The following PRKN variants were observed in gnomAD, a reference collection of about 807,000 sequenced individuals.
PRKN encodes parkin RBR E3 ubiquitin protein ligase.
A neutral mutation model predicts 59.5 loss-of-function variants in PRKN; 56 were observed. That is an observed-to-expected ratio of 0.94 (90% CI 0.76 to 1.18). The LOEUF (loss-of-function observed/expected upper bound fraction) is 1.18, where lower values mean the gene tolerates loss of function less well. Among genes scored for constraint, PRKN ranks in the 50% most tolerant of loss-of-function variants. The probability of loss-of-function intolerance (pLI) is 0.00; values close to 1 mark genes in which losing one functional copy is unlikely to be tolerated. For synonymous variants in PRKN, 250 were observed against 222.1 expected (o/e 1.13, Z -1.12); for missense variants, 657 against 596.4 (o/e 1.10, Z -1.06).
At chr6:161,694,241 T>G (rs150967256) in intron 7 of PRKN, among the ~76,000 whole-genome samples, 7 of 151,998 alleles carry the variant, frequency 4.6e-5, no homozygotes, top group African/African-American at 1.4e-4. Context: ...GTAATAATAA[T>G]AAGAAAAAAA....
chr6:162,389,014 A>AAC (rs1351746126), intron 2 of PRKN, among the ~76,000 whole-genome samples: 2 of 151,106 alleles, frequency 1.3e-5, no homozygotes, highest in Non-Finnish European at 2.9e-5. Flanking sequence ...CCAGAAAAAA[A>AAC]AAAAAAAAAA....
At chr6:162,427,037 T>A (rs1234683020) in intron 2 of PRKN, among the ~76,000 whole-genome samples, 1 of 152,124 alleles carries the variant, frequency 6.6e-6, no homozygotes, top group Non-Finnish European at 1.5e-5. Context: ...ATGAGAAAGT[T>A]TGGCCAAAGT....
chr6:162,030,009 A>C (rs970786119), intron 5 of PRKN, among the ~76,000 whole-genome samples: 3 of 152,012 alleles, frequency 2.0e-5, no homozygotes, highest in African/African-American at 7.2e-5. Flanking sequence ...CAGCTAATTA[A>C]AACAAAAAAT....
chr6:162,433,082 C>T (rs1349994941), intron 2 of PRKN, among the ~76,000 whole-genome samples: 2 of 152,100 alleles, frequency 1.3e-5, no homozygotes, highest in Non-Finnish European at 2.9e-5. Flanking sequence ...TGTTTTAAAA[C>T]AGAATAAATC....
intron 1 of PRKN, among the ~76,000 whole-genome samples, chr6:162,689,168 G>C (rs1777677576): frequency 6.6e-6 from 1 of 152,158 alleles, no homozygotes. Flanking sequence ...ATTCCTACAA[G>C]GGCTCTGCAA....
intron 9 of PRKN, among the ~76,000 whole-genome samples, chr6:161,431,413 C>T (rs939014521): frequency 6.6e-6 from 1 of 151,416 alleles, no homozygotes; most frequent in Non-Finnish European, 1.5e-5. Context: ...AGATGTGGTA[C>T]ACATTATTTA....
intron 1 of PRKN, among the ~76,000 whole-genome samples, chr6:162,516,343 C>T (rs1193914756): frequency 6.6e-6 from 1 of 152,218 alleles, no homozygotes; most frequent in Admixed American, 6.5e-5. Flanking sequence ...CACATCTGCA[C>T]ACCTATCCAA....
chr6:162,031,405 A>T (rs1045867498), intron 5 of PRKN, among the ~76,000 whole-genome samples: 1 of 132,584 alleles, frequency 7.5e-6, no homozygotes, highest in Non-Finnish European at 1.5e-5. Context: ...CTCAACATCT[A>T]ATCCTTTTTT....
At chr6:161,788,701 C>T (rs577169694) in intron 6 of PRKN, among the ~76,000 whole-genome samples, 16 of 150,772 alleles carry the variant, frequency 1.1e-4, no homozygotes, top group South Asian at 2.1e-4. Flanking sequence ...CTTGAAGAAA[C>T]GCCACTGCCC....
chr6:162,497,607 G>A (rs569727561), intron 1 of PRKN, among the ~76,000 whole-genome samples: 8 of 152,208 alleles, frequency 5.3e-5, no homozygotes, highest in Admixed American at 2.6e-4. Flanking sequence ...TTGTGCAGCA[G>A]AGGGAGGCCA....
rs1554243400 is a variant in PRKN, at chr6:162,556,362, T to TGTGTGTGTGC, written c.8-112890_8-112889insGCACACACAC. 1.2e-4 allele frequency among the ~76,000 whole-genome samples: 10 copies of TGTGTGTGTGC among 86,330 alleles called. No individual in the cohort carries two copies. In the East Asian group the frequency reaches 2.5e-3, roughly 22 times the overall value. The allele number at this position is 86,330 out of a possible 152,430, so 56.6% of individuals were successfully genotyped here. On this transcript the variant is annotated intron_variant, in intron 1 of 11. Transcript: ENST00000366898. ...CAGCTGGTGTGTGTGTGTGTGTGTGTGTGTGTGTGTGTGTGTGTGTGTGTG... is the reference window on the plus strand; with the variant it reads ...CAGCTGGTGTGTGTGTGTGTGTGTGTGTGTGTGTGCGTGTGTGTGTGTGTGTGTGTGTGTG...
intron 3 of PRKN, among the ~76,000 whole-genome samples, chr6:162,210,967 A>G (rs780870243): frequency 3.9e-5 from 6 of 152,204 alleles, no homozygotes; most frequent in Non-Finnish European, 5.9e-5. Context: ...TTTGAAAGGT[A>G]GGTACGATTG....
intron 6 of PRKN, among the ~76,000 whole-genome samples, chr6:161,900,441 T>A (rs528568509): frequency 3.3e-4 from 47 of 143,048 alleles, no homozygotes; most frequent in Middle Eastern, 3.6e-3. Flanking sequence ...ATATATATTT[T>A]TATATATATA....
chr6:162,544,672 A>ATTTTTTTTTTTTTTTTTTTTTT (rs11296683), intron 1 of PRKN, among the ~76,000 whole-genome samples: 1 of 71,510 alleles, frequency 1.4e-5, no homozygotes, highest in African/African-American at 6.0e-5. Flanking sequence ...TTTATTGTTG[A>ATTTTTTTTTTTTTTTTTTTTTT]TTTTTTTTTT....
At chr6:162,243,324 C>A (rs1410720326) in intron 3 of PRKN, among the ~76,000 whole-genome samples, 1 of 152,024 alleles carries the variant, frequency 6.6e-6, no homozygotes, top group Non-Finnish European at 1.5e-5. Flanking sequence ...TAATAAGAAG[C>A]CATCAAATTA....
At chr6:161,733,783 A>AAAAAAATAT (rs35360887) in intron 7 of PRKN, among the ~76,000 whole-genome samples, 4 of 86,212 alleles carry the variant, frequency 4.6e-5, no homozygotes, top group African/African-American at 3.5e-4. Context: ...AAAAAAAAAA[A>AAAAAAATAT]ATATATATAT....
chr6:161,891,702 A>ACAT, intron 6 of PRKN, among the ~76,000 whole-genome samples: 2 of 152,348 alleles, frequency 1.3e-5, no homozygotes, highest in Middle Eastern at 6.8e-3. Flanking sequence ...ACAGGGGGTA[A>ACAT]GACAAATACA....
intron 7 of PRKN, among the ~76,000 whole-genome samples, chr6:161,773,045 A>T (rs1789760570): frequency 6.6e-6 from 1 of 152,184 alleles, no homozygotes; most frequent in African/African-American, 2.4e-5. Context: ...GCAGGGAATG[A>T]TAATTATTAA....
rs1483416441 is a variant in PRKN at position 161,353,018 on chromosome 6, T to G, written c.1286-2807A>C. Among the ~76,000 whole-genome samples, 1 of 152,116 alleles carries G rather than the reference T, an allele frequency of 6.6e-6. No individual in the cohort carries two copies. Among genetic ancestry groups the G allele is most frequent in the Non-Finnish European group, 1.5e-5 (1 of 68,024 alleles). On this transcript the variant is annotated intron_variant, in intron 11 of 11. Transcript: ENST00000366898. The surrounding 1 kb of genome is among the most constrained non-coding windows in gnomAD (Gnocchi z 4.8). ...TGGTCTCAAACTCCTGACCTCGTGA[T>G]CTGCCTGCCTTGGCCTCCCAAAGTG... is the stretch of plus-strand genomic sequence containing the variant.
Sources: gnomAD v4.1 joint callset for allele counts (sites outside exome capture counted in the v4.1 genomes callset) on GRCh38, gnomAD v4.1.1 for gene constraint, Gnocchi (gnomAD v3.1) non-coding constraint, MANE v1.5 for transcripts, NCBI Gene and HGNC (gene_info 2026-07-23, HGNC 2026-07-21) for gene names.